Variants in ANKS1B observed in about 807,000 individuals in gnomAD.
ANKS1B encodes ankyrin repeat and sterile alpha motif domain-containing protein 1B.
ANKS1B carries 36 observed loss-of-function variants against 148.3 expected under a neutral mutation model. That is an observed-to-expected ratio of 0.24 (90% CI 0.19 to 0.32). The LOEUF (loss-of-function observed/expected upper bound fraction) is 0.32. Ranked by LOEUF, ANKS1B falls within the 10% of genes least tolerant of loss-of-function variation. The probability of loss-of-function intolerance (pLI) is 1.00; values close to 1 mark genes in which losing one functional copy is unlikely to be tolerated. For missense variants in ANKS1B, 1,157 were observed against 1,542.6 expected (o/e 0.75, Z 4.19); for synonymous variants, 542 against 560.8 (o/e 0.97, Z 0.47).
intron 17 of ANKS1B, among the ~76,000 whole-genome samples, chr12:98,892,401 T>A (rs1403749214): frequency 6.6e-6 from 1 of 152,176 alleles, no homozygotes; most frequent in Non-Finnish European, 1.5e-5. Context: ...TCATAAACGA[T>A]TATTAGGAAT....
intron 12 of ANKS1B, among the ~76,000 whole-genome samples, chr12:99,284,904 G>C (rs1284797791): frequency 6.6e-6 from 1 of 152,012 alleles, no homozygotes; most frequent in African/African-American, 2.4e-5. Flanking sequence ...TATGGTGCTT[G>C]TGTATGTTTG....
intron 17 of ANKS1B, among the ~76,000 whole-genome samples, chr12:98,867,758 A>T (rs957304578): frequency 6.6e-6 from 1 of 151,728 alleles, no homozygotes; most frequent in Non-Finnish European, 1.5e-5. Flanking sequence ...GCTACTTGGG[A>T]GGCTGAGGCA....
At chr12:99,558,809 G>A (rs1306986671) in intron 9 of ANKS1B, among the ~76,000 whole-genome samples, 1 of 152,170 alleles carries the variant, frequency 6.6e-6, no homozygotes, top group Admixed American at 6.5e-5. Context: ...CCTCCTGGAG[G>A]AGCATGGCAA....
At chr12:99,827,775 T>TCA (rs748692349) in intron 1 of ANKS1B, among the ~76,000 whole-genome samples, 44 of 152,206 alleles carry the variant, frequency 2.9e-4, no homozygotes, top group Non-Finnish European at 4.9e-4. Context: ...CAACCAGAAT[T>TCA]CACACACACA....
intron 17 of ANKS1B, among the ~76,000 whole-genome samples, chr12:99,009,849 A>C (rs1419066884): frequency 6.6e-6 from 1 of 151,970 alleles, no homozygotes; most frequent in Non-Finnish European, 1.5e-5. Flanking sequence ...TGCAAAAAAA[A>C]AAAAACAAAC....
rs770864650 is a variant in ANKS1B at position 99,984,090 on chromosome 12, GT to G, written c.134+13del. On this transcript the variant is annotated intron_variant, in intron 1 of 26. Coordinates refer to ENST00000683438, the MANE Select transcript of ANKS1B (RefSeq NM_001352186.2). Reference sequence around the variant, plus strand: ...ATGAGGTGTGCCAACCCCGGAGCTGGTGCCCGTCCTTACCTTAGCAGATTAG... The same window carrying G: ...ATGAGGTGTGCCAACCCCGGAGCTGGGCCCGTCCTTACCTTAGCAGATTAG... 21 of 1,606,732 alleles carry G rather than the reference GT, an allele frequency of 1.3e-5. No homozygotes were observed. In the African/African-American group the frequency reaches 2.3e-4, roughly 17 times the overall value.
chr12:98,946,996 T>C (rs1308332015), intron 17 of ANKS1B, among the ~76,000 whole-genome samples: 1 of 137,942 alleles, frequency 7.2e-6, no homozygotes, highest in Non-Finnish European at 1.5e-5. Flanking sequence ...TTTGAGTGAA[T>C]GAGCATTTGT....
At chr12:99,277,948 G>T (rs1025248116) in intron 12 of ANKS1B, among the ~76,000 whole-genome samples, 2 of 152,192 alleles carry the variant, frequency 1.3e-5, no homozygotes, top group Non-Finnish European at 2.9e-5. Context: ...ATCATTCTCA[G>T]CAGATTCACT....
chr12:98,987,402 G>A (rs2099924108), intron 17 of ANKS1B, among the ~76,000 whole-genome samples: 1 of 152,004 alleles, frequency 6.6e-6, no homozygotes, highest in Admixed American at 6.6e-5. Context: ...CAGTTACAAT[G>A]GTATGTACAT....
intron 12 of ANKS1B, among the ~76,000 whole-genome samples, chr12:99,361,309 T>C (rs1046684937): frequency 6.6e-6 from 1 of 152,118 alleles, no homozygotes; most frequent in Non-Finnish European, 1.5e-5. Flanking sequence ...TGGTTTGTCA[T>C]CACAGAAAAA....
Position 99,134,630 on chromosome 12 carries a change from C to G in ANKS1B, c.2526+19659G>C, listed in dbSNP as rs562054308. 4.2e-4 allele frequency among the ~76,000 whole-genome samples: 33 copies of G among 78,496 alleles called. 2 individuals carry two copies. The South Asian group carries it at 0.015, about 35-fold the overall frequency. 51.5% of individuals were successfully genotyped at this position (78,496 alleles called of 152,430 possible). A position where few individuals can be genotyped will look rare whatever the true frequency, so the allele number is the denominator to read the frequency against. On this transcript the variant is annotated intron_variant, in intron 15 of 26. Coordinates refer to ENST00000683438, the MANE Select transcript of ANKS1B (RefSeq NM_001352186.2). ...TCTCTCTGTCTCTATCCCTTTCTGT[C>G]TCTCTCTCTCTCTCTCACACACACA... is the stretch of plus-strand genomic sequence containing the variant.
At chr12:99,040,275 C>CGTGTGT (rs146791344) in intron 17 of ANKS1B, among the ~76,000 whole-genome samples, 21 of 147,530 alleles carry the variant, frequency 1.4e-4, no homozygotes, top group African/African-American at 4.7e-4. Context: ...TGTGCGTGTG[C>CGTGTGT]GTGTGTGTGT....
chr12:99,233,879 A>G (rs990885322), intron 14 of ANKS1B, among the ~76,000 whole-genome samples: 8 of 152,152 alleles, frequency 5.3e-5, no homozygotes, highest in Non-Finnish European at 8.8e-5. Flanking sequence ...GAGACCTCCA[A>G]ATCTTTTCCT....
intron 9 of ANKS1B, among the ~76,000 whole-genome samples, chr12:99,556,613 G>A (rs1349494762): frequency 6.6e-6 from 1 of 152,066 alleles, no homozygotes; most frequent in Non-Finnish European, 1.5e-5. Context: ...CACTGCTTTA[G>A]CTATGTCCCA....
chr12:99,770,238 T>C (rs957411015), intron 8 of ANKS1B, among the ~76,000 whole-genome samples: 1 of 152,200 alleles, frequency 6.6e-6, no homozygotes, highest in Admixed American at 6.5e-5. Flanking sequence ...TAAGTGTCAG[T>C]TCTTATTTAT....
At chr12:99,231,226 G>A (rs2086790395) in intron 14 of ANKS1B, among the ~76,000 whole-genome samples, 2 of 152,038 alleles carry the variant, frequency 1.3e-5, no homozygotes, top group Non-Finnish European at 2.9e-5. Context: ...AGGGCTGTGG[G>A]GTGTTAGCTG....
intron 1 of ANKS1B, among the ~76,000 whole-genome samples, chr12:99,842,284 C>T (rs1342474916): frequency 6.6e-6 from 1 of 151,960 alleles, no homozygotes. Flanking sequence ...TCTAGTGTTA[C>T]CACATTATAG....
chr12:99,146,915 C>T (rs371696911), intron 15 of ANKS1B, among the ~76,000 whole-genome samples: 2 of 152,210 alleles, frequency 1.3e-5, no homozygotes, highest in East Asian at 1.9e-4. Flanking sequence ...TGACCAGATC[C>T]GCCTGTTTTT....
intron 16 of ANKS1B, among the ~76,000 whole-genome samples, chr12:99,078,156 G>C (rs917093233): frequency 5.3e-5 from 8 of 152,130 alleles, no homozygotes; most frequent in Non-Finnish European, 8.8e-5. Flanking sequence ...GGGGCCAACT[G>C]TTGCTTTGAT....
Sources: allele counts gnomAD v4.1 joint callset (sites outside exome capture counted in the v4.1 genomes callset), GRCh38; gene constraint gnomAD v4.1.1; transcripts MANE v1.5; gene names NCBI Gene and HGNC (gene_info 2026-07-23, HGNC 2026-07-21).